The following NCALD variants were observed in gnomAD, a reference collection of about 807,000 sequenced individuals.
NCALD encodes the protein neurocalcin delta, also known as neurocalcin-delta.
Under a neutral mutation model 18.6 loss-of-function variants are expected in NCALD, and 10 were observed. The observed-to-expected ratio is 0.54, with a 90% confidence interval of 0.33 to 0.91. The LOEUF (loss-of-function observed/expected upper bound fraction) is 0.91, where lower values mean the gene tolerates loss of function less well. Ranked by LOEUF, NCALD falls within the 40% of genes least tolerant of loss-of-function variation. The pLI is 0.03. For synonymous variants in NCALD, 88 were observed against 87.4 expected, an observed-to-expected ratio of 1.01 and a Z score of -0.04; for missense variants, 184 against 247.6, an observed-to-expected ratio of 0.74 and a Z score of 1.72.
At chr8:101,859,342 G>C (rs1230000723) in intron 4 of NCALD, among the ~76,000 whole-genome samples, 2 of 152,164 alleles carry the variant, frequency 1.3e-5, no homozygotes, top group Non-Finnish European at 2.9e-5. Flanking sequence ...AAGGTTTTGG[G>C]ATTTGGACTG....
intron 1 of NCALD, among the ~76,000 whole-genome samples, chr8:102,067,461 A>T (rs78181076): frequency 0.14 from 21,012 of 152,052 alleles, 2,211 homozygotes; most frequent in African/African-American, 0.3. Context: ...ACACACACAC[A>T]CACACACACA....
chr8:101,947,591 A>T (rs145776475), intron 2 of NCALD, among the ~76,000 whole-genome samples: 9 of 152,328 alleles, frequency 5.9e-5, no homozygotes, highest in Non-Finnish European at 1.3e-4. Flanking sequence ...TTATTTGGGG[A>T]TGGACTAAAC....
At chr8:102,018,046 C>A (rs775742318) in intron 2 of NCALD, among the ~76,000 whole-genome samples, 1 of 152,080 alleles carries the variant, frequency 6.6e-6, no homozygotes, top group Non-Finnish European at 1.5e-5. Flanking sequence ...TAATGTTATA[C>A]GCTCAAATTG....
intron 4 of NCALD, among the ~76,000 whole-genome samples, chr8:101,866,923 T>TCC (rs1358123446): frequency 6.6e-6 from 1 of 152,156 alleles, no homozygotes; most frequent in East Asian, 1.9e-4. Flanking sequence ...AGCACTCCCA[T>TCC]CCTACTCAGA....
intron 1 of NCALD, among the ~76,000 whole-genome samples, chr8:102,038,473 C>T (rs911021435): frequency 6.6e-6 from 1 of 152,156 alleles, no homozygotes; most frequent in African/African-American, 2.4e-5. Context: ...CAACTTTCAT[C>T]AGGATCAAGT....
chr8:102,105,392 G>GA (rs1825412295), intron 1 of NCALD, among the ~76,000 whole-genome samples: 1 of 152,170 alleles, frequency 6.6e-6, no homozygotes, highest in African/African-American at 2.4e-5. Context: ...GGCCACCAAT[G>GA]AAACTAAGAT....
intron 2 of NCALD, among the ~76,000 whole-genome samples, chr8:101,990,001 T>C (rs948803233): frequency 1.3e-5 from 2 of 152,196 alleles, no homozygotes; most frequent in African/African-American, 4.8e-5. Context: ...GTAAGTAGGA[T>C]GCTTAGATAG....
intron 2 of NCALD, among the ~76,000 whole-genome samples, chr8:101,990,791 A>T (rs192234420): frequency 6.6e-6 from 1 of 152,274 alleles, no homozygotes; most frequent in East Asian, 1.9e-4. Flanking sequence ...ATACAACCAC[A>T]TTCTCTCAGG....
At chr8:101,765,626 G>A (rs972529005) in intron 1 of NCALD, among the ~76,000 whole-genome samples, 4 of 152,164 alleles carry the variant, frequency 2.6e-5, no homozygotes, top group Admixed American at 6.5e-5. Flanking sequence ...CTGAAGACAG[G>A]TGGGTGTGTG....
chr8:102,111,036 G>A (rs1353020755), intron 1 of NCALD, among the ~76,000 whole-genome samples: 2 of 152,218 alleles, frequency 1.3e-5, no homozygotes, highest in East Asian at 3.9e-4. Flanking sequence ...ATTAAGTAAT[G>A]ATAATAAATA....
At position 101,748,482 on chromosome 8, in the gene NCALD, A is replaced by AAAAGTGTGGTCCTTCGTG. The variant is rs1491347584; in HGVS notation, c.-19-28852_-19-28835dup. Among the ~76,000 whole-genome samples the AAAAGTGTGGTCCTTCGTG allele has an allele frequency of 2.0e-5, 3 of 152,288 alleles. No individual in the cohort carries two copies. In the East Asian group the frequency reaches 5.8e-4, roughly 29 times the overall value. On this transcript the variant is annotated intron_variant, in intron 1 of 3. Coordinates refer to ENST00000220931, the MANE Select transcript of NCALD (RefSeq NM_032041.3). ...ATAAAAACTTAGTGGAGAAAGTGAC[A>AAAAGTGTGGTCCTTCGTG]AAAGTGTGGTCCTTCGTGAATATGA...
At chr8:102,039,275 A>T (rs10098517) in intron 1 of NCALD, among the ~76,000 whole-genome samples, 26,760 of 152,034 alleles carry the variant, frequency 0.18, 2,473 homozygotes, top group Non-Finnish European at 0.19. Context: ...CCAAAGCCCC[A>T]AAATTGTGGT....
chr8:101,821,570 T>C (rs1813718304), intron 4 of NCALD, among the ~76,000 whole-genome samples: 1 of 152,134 alleles, frequency 6.6e-6, no homozygotes, highest in Non-Finnish European at 1.5e-5. Context: ...GCTACACATT[T>C]GTTGAGCCTC....
intron 4 of NCALD, among the ~76,000 whole-genome samples, chr8:101,828,204 G>A (rs1814019276): frequency 6.6e-6 from 1 of 152,062 alleles, no homozygotes; most frequent in African/African-American, 2.4e-5. Context: ...AAAACATGAG[G>A]CAGACCATGT....
At chr8:101,868,287 C>A (rs375321297) in intron 4 of NCALD, among the ~76,000 whole-genome samples, 17 of 152,172 alleles carry the variant, frequency 1.1e-4, no homozygotes, top group African/African-American at 3.9e-4. Context: ...TGTGCCCACA[C>A]TGAGCTCGCA....
At chr8:102,058,369 TAGAC>T (rs969718573) in intron 1 of NCALD, among the ~76,000 whole-genome samples, 2 of 152,202 alleles carry the variant, frequency 1.3e-5, no homozygotes, top group Non-Finnish European at 2.9e-5. Context: ...GTCAGTGAGT[TAGAC>T]AGATAAATAA....
intron 4 of NCALD, among the ~76,000 whole-genome samples, chr8:101,852,098 C>T (rs1272693534): frequency 1.3e-5 from 2 of 152,234 alleles, no homozygotes; most frequent in South Asian, 2.1e-4. Flanking sequence ...TCCCAGCCTC[C>T]ATAACCATGA....
chr8:101,700,614 A>G (rs1313573714), intron 2 of NCALD, among the ~76,000 whole-genome samples: 1 of 152,090 alleles, frequency 6.6e-6, no homozygotes, highest in African/African-American at 2.4e-5. Flanking sequence ...TCTTCTTGGG[A>G]TTCTGATGAA....
At position 101,687,510 on chromosome 8, in the gene NCALD, C is replaced by A. The variant is rs923431618; in HGVS notation, c.*1799G>T. 1 of 152,610 alleles carries A rather than the reference C, an allele frequency of 6.6e-6. No individual in the cohort carries two copies. The highest frequency in any genetic ancestry group is 6.5e-5 in the Admixed American group (1 of 15,278). The allele number at this position is 152,610 out of a possible 1,614,324, so 9.5% of individuals were successfully genotyped here. Reference sequence around the variant, plus strand: ...AAAATTTCACCCTATGGATTTGGTTCTTTTTGGTCTACCATACAAATTTGG... The same window carrying A: ...AAAATTTCACCCTATGGATTTGGTTATTTTTGGTCTACCATACAAATTTGG... On this transcript the variant is annotated 3_prime_UTR_variant, in exon 4 of 4. Transcript: ENST00000220931.
Sources: gnomAD v4.1 joint callset for allele counts (sites outside exome capture counted in the v4.1 genomes callset) on GRCh38, gnomAD v4.1.1 for gene constraint, MANE v1.5 for transcripts, NCBI Gene and HGNC (gene_info 2026-07-23, HGNC 2026-07-21) for gene names.